Variants in ABCG2 observed in about 807,000 individuals in gnomAD.
ABCG2 encodes broad substrate specificity ATP-binding cassette transporter ABCG2.
In ABCG2, 80 loss-of-function variants were observed where a neutral mutation model predicts 73.5. The observed-to-expected ratio is 1.09, with a 90% confidence interval of 0.91 to 1.31. The LOEUF is 1.31. ABCG2 is among the 50% of genes most tolerant of loss of function. The pLI is 0.00. For missense variants in ABCG2, 796 were observed against 786.2 expected, an observed-to-expected ratio of 1.01 and a Z score of -0.15; for synonymous variants, 269 against 282.4, an observed-to-expected ratio of 0.95 and a Z score of 0.48.
chr4:88,166,449 C>T (rs557227570), intron 1 of ABCG2, among the ~76,000 whole-genome samples: 5 of 152,310 alleles, frequency 3.3e-5, no homozygotes, highest in Admixed American at 1.3e-4. Context: ...CAGAGAGCCT[C>T]TTCACCTGAG....
In ABCG2 at chr4:88,114,964, G is replaced by T; in HGVS notation, c.936C>A (p.Asp312Glu). 6.2e-7 allele frequency: 1 copy of T among 1,607,612 alleles called. No individual in the cohort carries two copies. Among genetic ancestry groups the T allele is most frequent in the Non-Finnish European group, 8.5e-7 (1 of 1,175,024 alleles). Residue 312 changes from aspartate (D) to glutamate (E), a missense_variant, in exon 8 of 16, where the codon GAC (aspartate) becomes GAA (glutamate). Coordinates refer to ENST00000237612, the MANE Select transcript of ABCG2 (RefSeq NM_004827.3). ...STAVALNREE[D>E]FKATEIIEPS... is the part of the protein sequence containing the mutation. ...TGTAACAGATTCATATACCTTTAAA[G>T]TCTTCTTCTCTGTTTAATGCCACAG...
chr4:88,204,628 C>T (rs1202893662), intron 1 of ABCG2, among the ~76,000 whole-genome samples: 2 of 152,168 alleles, frequency 1.3e-5, no homozygotes, highest in African/African-American at 4.8e-5. Flanking sequence ...TTTTGCACAT[C>T]TTCAGTATAT....
intron 1 of ABCG2, among the ~76,000 whole-genome samples, chr4:88,223,066 T>TG (rs1463935809): frequency 6.6e-6 from 1 of 152,252 alleles, no homozygotes; most frequent in African/African-American, 2.4e-5. Context: ...CCATTTGGAA[T>TG]GGGTGTATTT....
chr4:88,125,383 CG>C lies in ABCG2; in HGVS notation c.532-3592del, dbSNP rs547551411. ...CAGCACTTTGGGAGGCCGAGGCAGGCGGATCATGAGGTCAGGAGATCAAGAC... is the reference window on the plus strand; with the variant it reads ...CAGCACTTTGGGAGGCCGAGGCAGGCGATCATGAGGTCAGGAGATCAAGAC... On this transcript the variant is annotated intron_variant, in intron 5 of 15. Transcript: ENST00000237612. 8.8e-4 allele frequency among the ~76,000 whole-genome samples: 130 copies of C among 147,724 alleles called. 1 individual carries two copies. The highest frequency in any genetic ancestry group is 3.2e-3 in the African/African-American group (127 of 40,048).
chr4:88,194,049 G>C (rs1406709914), intron 1 of ABCG2, among the ~76,000 whole-genome samples: 2 of 152,084 alleles, frequency 1.3e-5, no homozygotes, highest in African/African-American at 4.8e-5. Context: ...TCGGCCAAAG[G>C]TTTGAATTTT....
chr4:88,106,123 C>T (rs1223994317), intron 10 of ABCG2, among the ~76,000 whole-genome samples: 2 of 152,004 alleles, frequency 1.3e-5, no homozygotes, highest in African/African-American at 2.4e-5. Flanking sequence ...AAAGCAGGAA[C>T]TAAAATAGGG....
At chr4:88,132,438 T>C (rs1724955894) in intron 3 of ABCG2, 138 bp downstream of exon 3, 2 of 848,234 alleles carry the variant, frequency 2.4e-6, no homozygotes, top group Non-Finnish European at 3.8e-6. Context: ...CAACTACAGT[T>C]ATCCACAGCA....
chr4:88,229,702 C>T (rs757571378), intron 1 of ABCG2, among the ~76,000 whole-genome samples: 14 of 152,092 alleles, frequency 9.2e-5, no homozygotes, highest in Non-Finnish European at 1.9e-4. Context: ...TTTCTTCTCC[C>T]CTCAACTGGG....
At chr4:88,199,280 T>C (rs556124806) in intron 1 of ABCG2, among the ~76,000 whole-genome samples, 87 of 152,056 alleles carry the variant, frequency 5.7e-4, no homozygotes, top group Non-Finnish European at 1.1e-3. Context: ...AAAACAATAT[T>C]TGAAGCAATT....
chr4:88,134,218 T>C (rs893005293), intron 2 of ABCG2, among the ~76,000 whole-genome samples: 3 of 152,188 alleles, frequency 2.0e-5, no homozygotes, highest in Admixed American at 6.5e-5. Context: ...TATGATCCTA[T>C]ACAATTATGA....
rs553263085 is a variant in ABCG2 at position 88,174,148 on chromosome 4, GT to G, written c.-19-34135del. On this transcript the variant is annotated intron_variant, in intron 1 of 15. Transcript: ENST00000515655. ...TGGGCCTTAATCCAACCTGACTGGT[GT>G]TTTTTTTTTTTCTTTTTATTTTACT... Among the ~76,000 whole-genome samples the G allele has an allele frequency of 5.2e-3, 748 of 143,778 alleles. 4 individuals carry two copies. Among genetic ancestry groups the G allele is most frequent in the African/African-American group, 0.016 (648 of 39,394 alleles). The allele number at this position is 143,778 out of a possible 152,430, so 94.3% of individuals were successfully genotyped here. A position where few individuals can be genotyped will look rare whatever the true frequency, so the allele number is the denominator to read the frequency against.
At chr4:88,134,011 G>A (rs3114016) in intron 2 of ABCG2, among the ~76,000 whole-genome samples, 143,646 of 149,996 alleles carry the variant, frequency 0.96, 68,914 homozygotes, top group East Asian at 1. Flanking sequence ...AAAAAAAAAA[G>A]AAGAAGAAGA....
intron 9 of ABCG2, among the ~76,000 whole-genome samples, chr4:88,109,608 T>C (rs1722994614): frequency 6.6e-6 from 1 of 152,182 alleles, no homozygotes; most frequent in Non-Finnish European, 1.5e-5. Flanking sequence ...AGAAAACCCT[T>C]GGCACCTTAA....
At chr4:88,148,704 T>A (rs1726224243) in intron 1 of ABCG2, among the ~76,000 whole-genome samples, 1 of 152,240 alleles carries the variant, frequency 6.6e-6, no homozygotes, top group South Asian at 2.1e-4. Context: ...TTCTGCCTAA[T>A]CTTTGGTTTT....
chr4:88,138,567 T>TA (rs1725402957), intron 2 of ABCG2, among the ~76,000 whole-genome samples: 1 of 152,086 alleles, frequency 6.6e-6, no homozygotes, highest in African/African-American at 2.4e-5. Flanking sequence ...AAATCAAAAG[T>TA]AAGATAAATG....
chr4:88,187,851 T>C (rs1396832014), intron 1 of ABCG2, among the ~76,000 whole-genome samples: 1 of 152,168 alleles, frequency 6.6e-6, no homozygotes, highest in Non-Finnish European at 1.5e-5. Flanking sequence ...TTCTTACCAA[T>C]CTCTGAAAAT....
intron 1 of ABCG2, among the ~76,000 whole-genome samples, chr4:88,155,018 C>G (rs1300656746): frequency 1.3e-5 from 2 of 151,132 alleles, no homozygotes; most frequent in Non-Finnish European, 3.0e-5. Context: ...GACTGCACAG[C>G]CCTGCACTTC....
At chr4:88,120,904 C>T (rs567733781) in intron 6 of ABCG2, among the ~76,000 whole-genome samples, 2 of 152,186 alleles carry the variant, frequency 1.3e-5, no homozygotes, top group South Asian at 4.1e-4. Context: ...TGTGTCCCCA[C>T]CCAAATCTCA....
At chr4:88,174,909 G>A (rs7699188) in intron 1 of ABCG2, among the ~76,000 whole-genome samples, 36,097 of 152,010 alleles carry the variant, frequency 0.24, 5,668 homozygotes, top group African/African-American at 0.45. Context: ...TTTTGTATAA[G>A]GTGTAAGGAA....
Sources: allele counts gnomAD v4.1 joint callset (sites outside exome capture counted in the v4.1 genomes callset), GRCh38; gene constraint gnomAD v4.1.1; transcripts MANE v1.5; gene names NCBI Gene and HGNC (gene_info 2026-07-23, HGNC 2026-07-21).